The following TENM4 variants were observed in gnomAD, a reference collection of about 807,000 sequenced individuals.
The protein encoded by TENM4 is teneurin-4.
In TENM4, 82 loss-of-function variants were observed where a neutral mutation model predicts 243.3. The ratio of observed to expected loss-of-function variants is 0.34; its 90% CI spans 0.28 to 0.40. TENM4 has a LOEUF of 0.40. Among genes scored for constraint, TENM4 ranks in the 10% least tolerant of loss-of-function variants. TENM4 has a pLI of 1.00. For missense variants in TENM4, 3,138 were observed against 3,673.3 expected, an observed-to-expected ratio of 0.85 and a Z score of 3.77; for synonymous variants, 1,412 against 1,456.3, an observed-to-expected ratio of 0.97 and a Z score of 0.69.
intron 12 of TENM4, among the ~76,000 whole-genome samples, chr11:78,850,843 C>A (rs1332674990): frequency 6.6e-6 from 1 of 152,124 alleles, no homozygotes; most frequent in African/African-American, 2.4e-5. Flanking sequence ...ATTTTCCAAA[C>A]AAGAAGAATG....
chr11:79,160,251 A>T lies in TENM4; in HGVS notation c.-162-11445T>A, dbSNP rs535342986. ...TGTGCAGGCATATCTCCTGGTGTGC[A>T]GGGGATATGCTTTCCACTCAGAAAC... On this transcript the variant is annotated intron_variant, in intron 3 of 33. Coordinates refer to ENST00000278550, the MANE Select transcript of TENM4 (RefSeq NM_001098816.3). Among the ~76,000 whole-genome samples the T allele has an allele frequency of 3.8e-4, 58 of 152,170 alleles. 2 individuals are homozygous for T. Among genetic ancestry groups the T allele is most frequent in the Non-Finnish European group, 3.1e-4 (21 of 68,036 alleles).
At chr11:79,046,802 G>C (rs1205955288) in intron 6 of TENM4, among the ~76,000 whole-genome samples, 1 of 152,076 alleles carries the variant, frequency 6.6e-6, no homozygotes, top group Non-Finnish European at 1.5e-5. Context: ...AGAACCACGA[G>C]ACAATGAATT....
intron 15 of TENM4, among the ~76,000 whole-genome samples, chr11:78,802,315 G>A (rs185627108): frequency 8.7e-4 from 132 of 152,304 alleles, no homozygotes; most frequent in Non-Finnish European, 1.7e-3. Flanking sequence ...TACATAACCC[G>A]CTGAGGCAGG....
chr11:79,026,211 C>A (rs769329181), intron 6 of TENM4, among the ~76,000 whole-genome samples: 3 of 151,962 alleles, frequency 2.0e-5, no homozygotes, highest in African/African-American at 7.2e-5. Context: ...TTCTACCAGT[C>A]CTACATGACC....
chr11:79,026,819 A>G (rs1357179603), intron 6 of TENM4, among the ~76,000 whole-genome samples: 1 of 152,224 alleles, frequency 6.6e-6, no homozygotes, highest in Non-Finnish European at 1.5e-5. Context: ...CACGCAGCAG[A>G]AAAGCCAGCT....
chr11:78,903,250 T>TC lies in TENM4; in HGVS notation c.749+17dup. 6.7e-7 allele frequency: 1 copy of TC among 1,486,938 alleles called. No individual in the cohort carries two copies. The highest frequency in any genetic ancestry group is 1.5e-5 in the African/African-American group (1 of 67,438). The allele number at this position is 1,486,938 out of a possible 1,614,324, so 92.1% of individuals were successfully genotyped here. A position where few individuals can be genotyped will look rare whatever the true frequency, so the allele number is the denominator to read the frequency against. ...GTGCCCACCCTCCTCAGCCTCACCC[T>TC]CCCTACCGGCCGCGCACCTGGTCTC... On this transcript the variant is annotated intron_variant, in intron 7 of 33. Transcript: ENST00000278550.
chr11:79,100,542 T>C (rs1317213649), intron 4 of TENM4, among the ~76,000 whole-genome samples: 1 of 152,200 alleles, frequency 6.6e-6, no homozygotes, highest in East Asian at 1.9e-4. Flanking sequence ...CTGCCCTCGA[T>C]GGTAAATTCC....
chr11:78,866,133 A>G (rs1858969913), intron 9 of TENM4, among the ~76,000 whole-genome samples: 1 of 152,250 alleles, frequency 6.6e-6, no homozygotes, highest in Admixed American at 6.5e-5. Context: ...ACCTGCCTGG[A>G]AGCAGTGAAT....
At chr11:79,168,714 T>A (rs1862974402) in intron 3 of TENM4, among the ~76,000 whole-genome samples, 1 of 152,200 alleles carries the variant, frequency 6.6e-6, no homozygotes, top group Non-Finnish European at 1.5e-5. Flanking sequence ...TGTGACTCTG[T>A]AGCTCCTCCC....
chr11:78,911,169 G>A (rs1856175772), intron 6 of TENM4, among the ~76,000 whole-genome samples: 1 of 152,202 alleles, frequency 6.6e-6, no homozygotes, highest in African/African-American at 2.4e-5. Context: ...ATGAGGAAGG[G>A]TGTTTTCTGG....
In TENM4 at chr11:78,903,400, G is replaced by C. The variant is rs1455219178; in HGVS notation, c.617C>G (p.Thr206Arg). Residue 206 changes from threonine to arginine, a missense_variant, in exon 7 of 34, where the codon ACG (threonine) becomes AGG (arginine). Coordinates refer to ENST00000278550, the MANE Select transcript of TENM4 (RefSeq NM_001098816.3). ...GGCCGGGCTGGGGTTGCTCCTCGGC[G>C]TGAAGTTGCCCCGGTTCAGGGAGTT... ...SINSLNRGNF[T>R]PRSNPSPAPT... 6.5e-7 allele frequency: 1 copy of C among 1,536,980 alleles called. No homozygotes were observed. The highest frequency in any genetic ancestry group is 8.8e-7 in the Non-Finnish European group (1 of 1,139,556).
intron 12 of TENM4, among the ~76,000 whole-genome samples, chr11:78,824,071 C>T (rs1435453639): frequency 6.6e-6 from 1 of 152,136 alleles, no homozygotes; most frequent in African/African-American, 2.4e-5. Flanking sequence ...GATTTCTACT[C>T]CTACCTAACC....
At chr11:79,035,828 A>G (rs1487845468) in intron 6 of TENM4, among the ~76,000 whole-genome samples, 5 of 152,152 alleles carry the variant, frequency 3.3e-5, no homozygotes, top group Non-Finnish European at 7.3e-5. Context: ...CACAAATATA[A>G]ATCCTCCTTC....
chr11:79,244,048 C>G (rs1011518642), intron 2 of TENM4, among the ~76,000 whole-genome samples: 1 of 152,166 alleles, frequency 6.6e-6, no homozygotes, highest in South Asian at 2.1e-4. Context: ...GCAAGTCCTA[C>G]GATCAGTGGT....
intron 19 of TENM4, 63 bp downstream of exon 19, chr11:78,756,742 G>T: frequency 1.3e-6 from 2 of 1,481,790 alleles, no homozygotes; most frequent in Non-Finnish European, 1.8e-6. Flanking sequence ...TCCAAAAGAG[G>T]CTCTAGAGTG....
intron 4 of TENM4, among the ~76,000 whole-genome samples, chr11:79,142,701 C>T (rs1451639391): frequency 6.6e-6 from 1 of 152,068 alleles, no homozygotes; most frequent in African/African-American, 2.4e-5. Flanking sequence ...AAGAACACAT[C>T]TAGAGGAATC....
At chr11:78,775,802 G>T (rs1856729921) in intron 17 of TENM4, among the ~76,000 whole-genome samples, 1 of 152,170 alleles carries the variant, frequency 6.6e-6, no homozygotes, top group African/African-American at 2.4e-5. Context: ...TTAAAGTTTA[G>T]AGAAGGGCTA....
intron 1 of TENM4, among the ~76,000 whole-genome samples, chr11:79,429,503 T>A (rs966839339): frequency 6.6e-6 from 1 of 152,018 alleles, no homozygotes; most frequent in Non-Finnish European, 1.5e-5. Context: ...CCAAGCTACT[T>A]CGTGAATCCC....
At chr11:78,960,662 T>C (rs1857300174) in intron 6 of TENM4, among the ~76,000 whole-genome samples, 1 of 152,206 alleles carries the variant, frequency 6.6e-6, no homozygotes, top group Admixed American at 6.5e-5. Flanking sequence ...CTTCAAGTCC[T>C]GTAAGTGCCT....
Sources: gnomAD v4.1 joint callset for allele counts (sites outside exome capture counted in the v4.1 genomes callset) on GRCh38, gnomAD v4.1.1 for gene constraint, MANE v1.5 for transcripts, NCBI Gene and HGNC (gene_info 2026-07-23, HGNC 2026-07-21) for gene names.